ALKAL1: variants seen among roughly 807,000 people sequenced by gnomAD.
ALKAL1 encodes the protein AUG-beta.
In ALKAL1, 23 loss-of-function variants were observed where a neutral mutation model predicts 13.5. The ratio of observed to expected loss-of-function variants is 1.70; its 90% CI spans 1.23 to 2.41. ALKAL1 has a LOEUF of 2.41. ALKAL1 is among the 30% of genes most tolerant of loss of function. ALKAL1 has a pLI of 0.00. For missense variants in ALKAL1, 181 were observed against 178.4 expected (o/e 1.01, Z -0.08); for synonymous variants, 85 against 77.7 (o/e 1.09, Z -0.49).
chr8:52,551,877 T>G (rs1847434209), intron 1 of ALKAL1, among the ~76,000 whole-genome samples: 1 of 152,214 alleles, frequency 6.6e-6, no homozygotes, highest in South Asian at 2.1e-4. Flanking sequence ...CAGTTTTAGA[T>G]GCACAGAAAA....
In ALKAL1 at chr8:52,565,128, C is replaced by T; in HGVS notation, c.129G>A (p.Lys43=). ...RGARVTDKEP[K]PLLFLPAAGA... ...CGGCCGCGGGGAGGAAAAGCAACGG[C>T]TTGGGCTCCTTATCCGTGACGCGCG... The change falls in exon 1 of 5, where the codon AAG becomes AAA. Residue 43 remains lysine (K), a synonymous_variant. Coordinates refer to ENST00000358543, the MANE Select transcript of ALKAL1 (RefSeq NM_207413.4). 7.1e-7 allele frequency: 1 copy of T among 1,417,706 alleles called. No homozygotes were observed. The highest frequency in any genetic ancestry group is 1.5e-5 in the African/African-American group (1 of 66,720). 87.8% of individuals were successfully genotyped at this position (1,417,706 alleles called of 1,614,324 possible).
chr8:52,558,863 A>T (rs1226959209), intron 1 of ALKAL1, among the ~76,000 whole-genome samples: 2 of 152,204 alleles, frequency 1.3e-5, no homozygotes, highest in African/African-American at 4.8e-5. Context: ...AAAAAAAAGC[A>T]TACTTGGCTG....
At chr8:52,547,467 T>A (rs1847382075) in intron 1 of ALKAL1, among the ~76,000 whole-genome samples, 1 of 152,076 alleles carries the variant, frequency 6.6e-6, no homozygotes, top group Non-Finnish European at 1.5e-5. Flanking sequence ...ACCACTGCAC[T>A]CCAGCCTGGG....
chr8:52,539,984 G>T, intron 2 of ALKAL1, 73 bp from the exon 3 acceptor site: 1 of 1,323,750 alleles, frequency 7.6e-7, no homozygotes. Flanking sequence ...GCACTTTATG[G>T]GTGGATATAA....
At chr8:52,548,544 A>T (rs1245660961) in intron 1 of ALKAL1, among the ~76,000 whole-genome samples, 1 of 152,136 alleles carries the variant, frequency 6.6e-6, no homozygotes, top group Non-Finnish European at 1.5e-5. Context: ...TTTGAGATGG[A>T]TATGCTAATG....
At chr8:52,541,596 C>T (rs1847312794) in intron 2 of ALKAL1, among the ~76,000 whole-genome samples, 1 of 152,030 alleles carries the variant, frequency 6.6e-6, no homozygotes, top group African/African-American at 2.4e-5. Context: ...GGTGAAACCC[C>T]ATCTCTACTA....
At chr8:52,562,650 G>A (rs1396411213) in intron 1 of ALKAL1, among the ~76,000 whole-genome samples, 1 of 152,142 alleles carries the variant, frequency 6.6e-6, no homozygotes. Flanking sequence ...GAAGTTGCCT[G>A]GCCTACAGAA....
chr8:52,543,284 TA>T (rs1269597086), intron 1 of ALKAL1, among the ~76,000 whole-genome samples: 1 of 152,218 alleles, frequency 6.6e-6, no homozygotes, highest in Non-Finnish European at 1.5e-5. Flanking sequence ...TTTAAGAATA[TA>T]ATGGGGAAGT....
intron 1 of ALKAL1, among the ~76,000 whole-genome samples, chr8:52,563,776 T>C (rs1323383435): frequency 6.6e-6 from 1 of 152,132 alleles, no homozygotes; most frequent in East Asian, 1.9e-4. Context: ...GCCCGGGTTG[T>C]CCACACACCA....
chr8:52,540,092 G>GA, intron 2 of ALKAL1, among the ~76,000 whole-genome samples, 181 bp from the exon 3 acceptor site: 1 of 152,106 alleles, frequency 6.6e-6, no homozygotes, highest in Admixed American at 6.6e-5. Flanking sequence ...TGTGGTCTAT[G>GA]AAAAATAATC....
chr8:52,549,217 A>T (rs887217555), intron 1 of ALKAL1, among the ~76,000 whole-genome samples: 4 of 151,866 alleles, frequency 2.6e-5, no homozygotes, highest in African/African-American at 9.7e-5. Context: ...TTTATTTTAA[A>T]AACAAGACAC....
chr8:52,538,176 T>C (rs1377079063), intron 4 of ALKAL1, among the ~76,000 whole-genome samples: 1 of 152,032 alleles, frequency 6.6e-6, no homozygotes, highest in East Asian at 1.9e-4. Flanking sequence ...GAACGGGTTC[T>C]GGGGCTCTGC....
chr8:52,564,341 T>A (rs1160746605), intron 1 of ALKAL1, among the ~76,000 whole-genome samples: 1 of 152,166 alleles, frequency 6.6e-6, no homozygotes, highest in East Asian at 1.9e-4. Context: ...CTGCCCCAAG[T>A]GCCCGGCCGC....
At chr8:52,552,541 G>C (rs1439471162) in intron 1 of ALKAL1, among the ~76,000 whole-genome samples, 1 of 152,172 alleles carries the variant, frequency 6.6e-6, no homozygotes, top group East Asian at 1.9e-4. Flanking sequence ...TTCCGCATAA[G>C]AGGTTTGTCT....
intron 1 of ALKAL1, among the ~76,000 whole-genome samples, chr8:52,553,851 A>C (rs1847453364): frequency 6.6e-6 from 1 of 152,210 alleles, no homozygotes; most frequent in East Asian, 1.9e-4. Flanking sequence ...TTTCTGGTTT[A>C]ATCTAGTTAA....
chr8:52,565,164 C>T lies in ALKAL1; in HGVS notation c.93G>A (p.Gly31=). Residue 31 remains glycine (G), a synonymous_variant, in exon 1 of 5, where the codon GGG becomes GGA. Transcript: ENST00000358543. ...TATCCGTGACGCGCGCTCCCCTGCG[C>T]CCCCGGGGCCTCCCGTGGGCTCCGT... ...SPHGAHGRPR[G]RRGARVTDKE... The T allele has an allele frequency of 2.2e-6, 3 of 1,388,360 alleles. No homozygotes were observed. Among genetic ancestry groups the T allele is most frequent in the Non-Finnish European group, 2.8e-6 (3 of 1,062,514 alleles). 86.0% of individuals were successfully genotyped at this position (1,388,360 alleles called of 1,614,324 possible).
chr8:52,560,068 G>A (rs892201783), intron 1 of ALKAL1, among the ~76,000 whole-genome samples: 3 of 151,910 alleles, frequency 2.0e-5, no homozygotes, highest in Non-Finnish European at 4.4e-5. Context: ...CATTCAAATA[G>A]AATAATATAA....
chr8:52,561,730 T>C (rs936268753), intron 1 of ALKAL1, among the ~76,000 whole-genome samples: 3 of 152,150 alleles, frequency 2.0e-5, no homozygotes, highest in African/African-American at 7.2e-5. Flanking sequence ...CAGCATAACC[T>C]CATCAAAACC....
At chr8:52,548,274 C>T (rs1847392510) in intron 1 of ALKAL1, among the ~76,000 whole-genome samples, 1 of 151,880 alleles carries the variant, frequency 6.6e-6, no homozygotes, top group Non-Finnish European at 1.5e-5. Context: ...TCACGTGAAC[C>T]TAGGAGGCAG....
Sources: gnomAD v4.1 joint callset for allele counts (sites outside exome capture counted in the v4.1 genomes callset) on GRCh38, gnomAD v4.1.1 for gene constraint, MANE v1.5 for transcripts, NCBI Gene and HGNC (gene_info 2026-07-23, HGNC 2026-07-21) for gene names.